The following SAXO1 variants were observed in gnomAD, a reference collection of about 807,000 sequenced individuals.
SAXO1 encodes stabilizer of axonemal microtubules 1, also known as 4930500O09Rik.
A neutral mutation model predicts 17.5 loss-of-function variants in SAXO1; 21 were observed. The ratio of observed to expected loss-of-function variants is 1.20; its 90% CI spans 0.85 to 1.72. SAXO1 has a LOEUF of 1.72. Among genes scored for constraint, SAXO1 ranks in the 40% most tolerant of loss-of-function variants. The probability of loss-of-function intolerance (pLI) is 0.00; values close to 1 mark genes in which losing one functional copy is unlikely to be tolerated. For missense variants in SAXO1, 843 were observed against 596.0 expected (o/e 1.41, Z -4.32); for synonymous variants, 274 against 216.5 (o/e 1.27, Z -2.33).
In SAXO1 at chr9:19,027,194, G is replaced by A. The variant is rs990887612; in HGVS notation, c.38+5677C>T. 5.9e-6 allele frequency: 7 copies of A among 1,188,832 alleles called. No individual in the cohort carries two copies. In the African/African-American group the frequency reaches 1.0e-4, roughly 18 times the overall value. The allele number at this position is 1,188,832 out of a possible 1,614,324, so 73.6% of individuals were successfully genotyped here. ...CAAATATTGACCTGGACTCCCAGAG[G>A]AAGGACAAGTGTGCTGTGATCAAAA... On this transcript the variant is annotated intron_variant, in intron 1 of 3. Coordinates refer to ENST00000380534, the MANE Select transcript of SAXO1 (RefSeq NM_153707.4).
At chr9:19,039,912 A>G (rs1836035968) in intron 1 of SAXO1, among the ~76,000 whole-genome samples, 1 of 152,124 alleles carries the variant, frequency 6.6e-6, no homozygotes, top group African/African-American at 2.4e-5. Flanking sequence ...TATTTTTAGT[A>G]GAGACAGGGT....
At chr9:18,996,824 T>C (rs1054196963) in intron 1 of SAXO1, among the ~76,000 whole-genome samples, 1 of 152,084 alleles carries the variant, frequency 6.6e-6, no homozygotes, top group Admixed American at 6.5e-5. Flanking sequence ...AACATAGTAT[T>C]TAAAGCTCTA....
chr9:18,985,053 A>G (rs1833539460), intron 1 of SAXO1, among the ~76,000 whole-genome samples: 2 of 152,028 alleles, frequency 1.3e-5, no homozygotes. Context: ...GATATTTTCA[A>G]ATATTTGCCC....
Position 18,950,946 on chromosome 9 carries a change from GAC to G in SAXO1, c.39-11_39-10del. The stretch of plus-strand genomic sequence containing the variant: ...GTGGACAGTGATGCCGCCTATAAAA[GAC>G]ACAGAGTTAGGTTGATTACCTTCTT... On this transcript the variant is annotated splice_polypyrimidine_tract_variant and intron_variant, in intron 1 of 3. Coordinates refer to ENST00000380534, the MANE Select transcript of SAXO1 (RefSeq NM_153707.4). The G allele has an allele frequency of 6.2e-7, 1 of 1,609,054 alleles. No homozygotes were observed. Among genetic ancestry groups the G allele is most frequent in the Non-Finnish European group, 8.5e-7 (1 of 1,177,920 alleles).
At chr9:18,941,581 C>G in intron 3 of SAXO1, 56 bp downstream of exon 3, 1 of 1,601,176 alleles carries the variant, frequency 6.2e-7, no homozygotes, top group Non-Finnish European at 8.5e-7. Context: ...CATTTCCTGG[C>G]CCGCACACAG....
chr9:18,938,906 C>T (rs1428232207), intron 3 of SAXO1, among the ~76,000 whole-genome samples: 1 of 148,752 alleles, frequency 6.7e-6, no homozygotes, highest in Non-Finnish European at 1.5e-5. Flanking sequence ...GTAGGGAGGA[C>T]TTCTCTTTAA....
rs142034001 is a variant in SAXO1 at position 18,949,779 on chromosome 9, C to G, written c.218+979G>C. Among the ~76,000 whole-genome samples the G allele has an allele frequency of 4.9e-3, 742 of 152,280 alleles. 5 individuals are homozygous for G. Among genetic ancestry groups the G allele is most frequent in the African/African-American group, 0.015 (611 of 41,546 alleles). On this transcript the variant is annotated intron_variant, in intron 2 of 3. Transcript: ENST00000380534. ...AGACCATCTGGGACCTTTACTAGCA[C>G]AAAATCATGAAGCAAAAGGGAGCAA...
chr9:18,969,120 T>G (rs371570077), intron 1 of SAXO1, among the ~76,000 whole-genome samples: 11 of 152,222 alleles, frequency 7.2e-5, no homozygotes, highest in African/African-American at 2.6e-4. Flanking sequence ...GGGGCCTACA[T>G]GAAACAAGCG....
At chr9:19,028,437 G>A (rs2131042310) in intron 1 of SAXO1, among the ~76,000 whole-genome samples, 1 of 152,290 alleles carries the variant, frequency 6.6e-6, no homozygotes, top group Middle Eastern at 3.4e-3. Context: ...AAATGCTGGA[G>A]ATAATCAGAT....
chr9:19,000,111 G>A (rs1588506846), intron 1 of SAXO1, among the ~76,000 whole-genome samples: 2 of 150,870 alleles, frequency 1.3e-5, no homozygotes, highest in South Asian at 2.1e-4. Flanking sequence ...TGGGAAGTGA[G>A]GAGCACCTCT....
chr9:18,964,212 G>C (rs1484840928), intron 1 of SAXO1, among the ~76,000 whole-genome samples: 1 of 152,154 alleles, frequency 6.6e-6, no homozygotes, highest in African/African-American at 2.4e-5. Flanking sequence ...CGTTCATCAG[G>C]GATATTGGCC....
intron 1 of SAXO1, among the ~76,000 whole-genome samples, chr9:18,960,249 G>C (rs1045054045): frequency 1.3e-5 from 2 of 152,164 alleles, no homozygotes; most frequent in African/African-American, 2.4e-5. Context: ...TTTGCCAATG[G>C]CCTCATCACC....
At position 19,027,929 on chromosome 9, in the gene SAXO1, G is replaced by C. The variant is rs912863667; in HGVS notation, c.38+4942C>G. ...GAATCATGCAGATCCACTCCCAAAA[G>C]ATGAACGTCAGTCCTGACGTGAACT... On this transcript the variant is annotated intron_variant, in intron 1 of 3. Coordinates refer to ENST00000380534, the MANE Select transcript of SAXO1 (RefSeq NM_153707.4). 1.3e-5 allele frequency: 19 copies of C among 1,417,116 alleles called. No individual in the cohort carries two copies. The African/African-American group carries it at 2.4e-4, about 18-fold the overall frequency. 87.8% of individuals were successfully genotyped at this position (1,417,116 alleles called of 1,614,324 possible).
chr9:19,015,327 G>A (rs552474574), intron 1 of SAXO1, among the ~76,000 whole-genome samples: 1 of 151,902 alleles, frequency 6.6e-6, no homozygotes, highest in African/African-American at 2.4e-5. Context: ...CACCATGTCT[G>A]GCTAATTATT....
chr9:18,948,127 C>T (rs1324014063), intron 2 of SAXO1, among the ~76,000 whole-genome samples: 1 of 152,218 alleles, frequency 6.6e-6, no homozygotes, highest in Non-Finnish European at 1.5e-5. Flanking sequence ...TGTGCAGACA[C>T]TGGGCTGACG....
intron 1 of SAXO1, among the ~76,000 whole-genome samples, chr9:19,040,663 AAG>A (rs777612228): frequency 7.2e-5 from 11 of 152,062 alleles, no homozygotes; most frequent in Non-Finnish European, 1.6e-4. Context: ...AAGAAAAAAA[AAG>A]AGAGAGAGAG....
Position 18,940,783 on chromosome 9 carries a change from C to T in SAXO1, c.421+854G>A, listed in dbSNP as rs149145526. The stretch of plus-strand genomic sequence containing the variant: ...CATATGACCACGTATCTTGTCTCTC[C>T]ACTAGGCTAGAAAGTCAAGGGCAGG... On this transcript the variant is annotated intron_variant, in intron 3 of 3. Coordinates refer to ENST00000380534, the MANE Select transcript of SAXO1 (RefSeq NM_153707.4). Among the ~76,000 whole-genome samples the T allele has an allele frequency of 8.6e-4, 131 of 152,274 alleles. 2 individuals carry two copies. In the East Asian group the frequency reaches 0.015, roughly 17 times the overall value.
At chr9:19,003,927 C>T (rs1483567236) in intron 1 of SAXO1, among the ~76,000 whole-genome samples, 1 of 152,024 alleles carries the variant, frequency 6.6e-6, no homozygotes, top group Non-Finnish European at 1.5e-5. Context: ...TTCTGCAAAG[C>T]AAAAGAAACT....
intron 1 of SAXO1, 138 bp from the exon 2 acceptor site, chr9:18,951,075 C>CT: frequency 1.2e-6 from 1 of 846,074 alleles, no homozygotes; most frequent in Non-Finnish European, 1.8e-6. Flanking sequence ...TCAACGGTTA[C>CT]TTTTTTCCAC....
Sources: allele counts gnomAD v4.1 joint callset (sites outside exome capture counted in the v4.1 genomes callset), GRCh38; gene constraint gnomAD v4.1.1; transcripts MANE v1.5; gene names NCBI Gene and HGNC (gene_info 2026-07-23, HGNC 2026-07-21).